The following CMSS1 variants were observed in gnomAD, a reference collection of about 807,000 sequenced individuals.
CMSS1 encodes cms1 ribosomal small subunit homolog.
Under a neutral mutation model 43.5 loss-of-function variants are expected in CMSS1, and 33 were observed. The ratio of observed to expected loss-of-function variants is 0.76; its 90% CI spans 0.57 to 1.01. CMSS1 has a LOEUF of 1.01. Ranked by LOEUF, CMSS1 falls within the 50% of genes least tolerant of loss-of-function variation. The pLI is 0.00. For synonymous variants in CMSS1, 115 were observed against 117.2 expected (o/e 0.98, Z 0.12); for missense variants, 313 against 326.4 (o/e 0.96, Z 0.32).
At chr3:100,003,411 A>G (rs1709898636) in intron 1 of CMSS1, among the ~76,000 whole-genome samples, 1 of 152,148 alleles carries the variant, frequency 6.6e-6, no homozygotes, top group Non-Finnish European at 1.5e-5. Flanking sequence ...CAGTTTAACC[A>G]ATGCACCTAG....
chr3:99,937,548 C>T (rs995011914), intron 1 of CMSS1, among the ~76,000 whole-genome samples: 9 of 152,172 alleles, frequency 5.9e-5, no homozygotes, highest in African/African-American at 1.9e-4. Flanking sequence ...TGGCCTTGGG[C>T]GTCAGTGAGC....
chr3:99,939,974 C>A (rs1707806182), intron 1 of CMSS1, among the ~76,000 whole-genome samples: 1 of 152,168 alleles, frequency 6.6e-6, no homozygotes, highest in African/African-American at 2.4e-5. Context: ...CTACGTGCTG[C>A]AGTCAGAGAA....
intron 1 of CMSS1, among the ~76,000 whole-genome samples, chr3:99,921,014 G>T (rs948551671): frequency 6.6e-6 from 1 of 152,126 alleles, no homozygotes; most frequent in Non-Finnish European, 1.5e-5. Context: ...CTTTTACTGG[G>T]GTTATGATAT....
chr3:99,905,165 C>T (rs977740895), intron 1 of CMSS1, among the ~76,000 whole-genome samples: 1 of 152,206 alleles, frequency 6.6e-6, no homozygotes, highest in African/African-American at 2.4e-5. Flanking sequence ...TGAATGTAGG[C>T]ATTTGCCAGG....
intron 1 of CMSS1, among the ~76,000 whole-genome samples, chr3:100,116,851 CT>C (rs572344949): frequency 4.4e-4 from 67 of 152,256 alleles, no homozygotes; most frequent in African/African-American, 1.5e-3. Flanking sequence ...GGCCCTTAGT[CT>C]TTTTGGCCCC....
At chr3:99,830,585 C>G (rs1451497301) in intron 1 of CMSS1, 1 of 456,640 alleles carries the variant, frequency 2.2e-6, no homozygotes, top group Non-Finnish European at 4.4e-6. Context: ...CTGGGATTCT[C>G]TGCTTGCATA....
chr3:100,107,842 G>C (rs1270559582), intron 1 of CMSS1, among the ~76,000 whole-genome samples: 1 of 146,394 alleles, frequency 6.8e-6, no homozygotes, highest in Non-Finnish European at 1.5e-5. Context: ...TTCATTACAT[G>C]ATTTATATTT....
chr3:99,904,355 C>T (rs1371108955), intron 1 of CMSS1, among the ~76,000 whole-genome samples: 1 of 152,120 alleles, frequency 6.6e-6, no homozygotes, highest in Admixed American at 6.5e-5. Context: ...GTATTTGTAA[C>T]CATTTTCAGT....
chr3:100,167,882 A>G (rs1490125674), intron 6 of CMSS1, 42 bp downstream of exon 6: 2 of 1,322,376 alleles, frequency 1.5e-6, no homozygotes, highest in Non-Finnish European at 2.2e-6. Context: ...TGTTTTCTGA[A>G]TAACTGATAT....
At chr3:100,077,538 A>G (rs1206316579) in intron 1 of CMSS1, among the ~76,000 whole-genome samples, 1 of 152,250 alleles carries the variant, frequency 6.6e-6, no homozygotes, top group African/African-American at 2.4e-5. Context: ...GAGAAGAGTA[A>G]CATTCCAGGT....
At chr3:99,907,274 G>A (rs1706649344) in intron 1 of CMSS1, among the ~76,000 whole-genome samples, 2 of 151,948 alleles carry the variant, frequency 1.3e-5, no homozygotes, top group Non-Finnish European at 1.5e-5. Flanking sequence ...TTGAGACAGA[G>A]TCTCACTCTG....
chr3:99,962,147 G>A (rs1708512791), intron 1 of CMSS1, among the ~76,000 whole-genome samples: 1 of 152,196 alleles, frequency 6.6e-6, no homozygotes, highest in Admixed American at 6.5e-5. Context: ...TGGCTTGCTG[G>A]AAAGGCTGAA....
intron 1 of CMSS1, among the ~76,000 whole-genome samples, chr3:100,037,965 A>T (rs5851193): frequency 2.0e-5 from 2 of 100,504 alleles, no homozygotes; most frequent in South Asian, 3.5e-4. Context: ...TTGGGGGGGG[A>T]GGGAACAGAG....
At chr3:100,102,365 T>C (rs572907060) in intron 1 of CMSS1, among the ~76,000 whole-genome samples, 4 of 152,326 alleles carry the variant, frequency 2.6e-5, no homozygotes, top group African/African-American at 9.6e-5. Context: ...ATTTCTCGGG[T>C]GTTAAGAGGA....
intron 1 of CMSS1, among the ~76,000 whole-genome samples, chr3:99,969,884 A>T (rs1024775904): frequency 6.6e-6 from 1 of 152,234 alleles, no homozygotes; most frequent in African/African-American, 2.4e-5. Flanking sequence ...GTCATGAATA[A>T]GTGTTATGGA....
rs573678357 is a variant in CMSS1 at position 100,151,195 on chromosome 3, A to T, written c.153+4134A>T. On this transcript the variant is annotated intron_variant, in intron 2 of 9. Coordinates refer to ENST00000421999, the MANE Select transcript of CMSS1 (RefSeq NM_032359.4). ...AGAGCTGTGTCCTATTCATTCTCTG[A>T]TTCACCTTTTTCCTTTTCATTATGG... 3.3e-5 allele frequency among the ~76,000 whole-genome samples: 5 copies of T among 152,276 alleles called. No individual in the cohort carries two copies. The South Asian group carries it at 1.0e-3, about 32-fold the overall frequency.
intron 1 of CMSS1, among the ~76,000 whole-genome samples, chr3:100,087,994 C>G (rs1284387654): frequency 6.6e-6 from 1 of 152,030 alleles, no homozygotes; most frequent in Non-Finnish European, 1.5e-5. Context: ...CCATGCCTGG[C>G]TAATTTTTAT....
intron 4 of CMSS1, among the ~76,000 whole-genome samples, chr3:100,165,012 A>G (rs369119025): frequency 1.4e-4 from 21 of 152,308 alleles, no homozygotes; most frequent in African/African-American, 5.1e-4. Flanking sequence ...TGTGATTTAG[A>G]TTAGTGATTC....
chr3:99,840,027 A>C (rs1395162929), intron 1 of CMSS1, among the ~76,000 whole-genome samples: 1 of 152,060 alleles, frequency 6.6e-6, no homozygotes, highest in Non-Finnish European at 1.5e-5. Context: ...TATTATTGTC[A>C]CAGTTGGGGG....
Sources: gnomAD v4.1 joint callset for allele counts (sites outside exome capture counted in the v4.1 genomes callset) on GRCh38, gnomAD v4.1.1 for gene constraint, MANE v1.5 for transcripts, NCBI Gene and HGNC (gene_info 2026-07-23, HGNC 2026-07-21) for gene names.